ST6GALNAC6: variants seen among roughly 807,000 people sequenced by gnomAD.
The protein encoded by ST6GALNAC6 is ST6 N-acetylgalactosaminide alpha-2,6-sialyltransferase 6.
ST6GALNAC6 carries 19 observed loss-of-function variants against 34.3 expected under a neutral mutation model. The observed-to-expected ratio is 0.55, with a 90% CI of 0.39 to 0.81. ST6GALNAC6 has a LOEUF of 0.81. ST6GALNAC6 is among the 40% of genes least tolerant of loss of function. ST6GALNAC6 has a pLI of 0.00. For missense variants in ST6GALNAC6, 377 were observed against 467.7 expected (o/e 0.81, Z 1.79); for synonymous variants, 185 against 182.1 (o/e 1.02, Z -0.13).
At chr9:127,891,382 G>A (rs866879079) in intron 4 of ST6GALNAC6, among the ~76,000 whole-genome samples, 8 of 152,066 alleles carry the variant, frequency 5.3e-5, no homozygotes, top group South Asian at 2.1e-4. Context: ...TTGGGAGGCC[G>A]AGGCAGGCGG....
upstream of ST6GALNAC6, chr9:127,899,645 G>T (rs1471837375): frequency 4.1e-6 from 4 of 983,442 alleles, no homozygotes; most frequent in African/African-American, 3.5e-5. Flanking sequence ...CGCCGTCACG[G>T]CCCGGCCCAG....
In ST6GALNAC6 at chr9:127,893,148, T is replaced by C. The variant is rs1166464021; in HGVS notation, c.297+1364A>G. ...TGAAGAAGGACCACCTAGGGAAACA[T>C]ATTCAAGGCAGGAGAAACAGCCAGC... On this transcript the variant is annotated intron_variant, in intron 4 of 6. Transcript: ENST00000373146. Among the ~76,000 whole-genome samples, 10 of 152,182 alleles carry C rather than the reference T, an allele frequency of 6.6e-5. No individual in the cohort carries two copies. In the South Asian group the frequency reaches 1.5e-3, roughly 22 times the overall value.
chr9:127,897,868 G>C lies in ST6GALNAC6; in HGVS notation c.26+88C>G, dbSNP rs144950491. The C allele has an allele frequency of 5.9e-4, 942 of 1,601,294 alleles. 10 individuals are homozygous for C. The African/African-American group carries it at 0.011, about 19-fold the overall frequency. ...CCTCAGCCAGGACCACCGTCCCCCTGGTCCGCCCCGTCACAATCCTGCTCT... is the reference window on the plus strand; with the variant it reads ...CCTCAGCCAGGACCACCGTCCCCCTCGTCCGCCCCGTCACAATCCTGCTCT... On this transcript the variant is annotated intron_variant, in intron 2 of 6. Coordinates refer to ENST00000373146, the MANE Select transcript of ST6GALNAC6 (RefSeq NM_013443.5).
upstream of ST6GALNAC6, chr9:127,899,678 C>A (rs1412178779): frequency 1.0e-6 from 1 of 983,954 alleles, no homozygotes; most frequent in Non-Finnish European, 1.2e-6. Context: ...GGCGGAGCCT[C>A]GGGGCCGCGG....
intron 5 of ST6GALNAC6, among the ~76,000 whole-genome samples, chr9:127,888,161 G>C (rs1430318736): frequency 6.6e-6 from 1 of 152,146 alleles, no homozygotes; most frequent in African/African-American, 2.4e-5. Flanking sequence ...TGTAATCCCA[G>C]GACTTCAAGA....
rs1479630101 is a variant in ST6GALNAC6 at position 127,897,053 on chromosome 9, C to CT, written c.27-722dup. 1.5e-5 allele frequency: 13 copies of CT among 874,284 alleles called. No homozygotes were observed. The African/African-American group carries it at 2.4e-4, about 16-fold the overall frequency. 54.2% of individuals were successfully genotyped at this position (874,284 alleles called of 1,614,324 possible). On this transcript the variant is annotated intron_variant, in intron 2 of 6. Transcript: ENST00000373146. ...GTCTCTGCCAGGGCTGACTCCTCAT[C>CT]TGTCAAATGGCTGTAATCACAGTCT...
At chr9:127,888,612 G>T (rs754916944) in intron 5 of ST6GALNAC6, among the ~76,000 whole-genome samples, 38 of 150,956 alleles carry the variant, frequency 2.5e-4, no homozygotes, top group Non-Finnish European at 5.0e-4. Context: ...ATTGAGACCA[G>T]CCTGGCCAAC....
rs1401124766 is a variant in ST6GALNAC6, at chr9:127,890,718, G to A, written c.623C>T (p.Pro208Leu). ...RVIQRAGLVF[P>L]NMEAYAVSPG... ...AGAGACGGCATATGCTTCCATGTTG[G>A]GGAACACCAGGCCCGCTCGCTGGAT... The change falls in exon 5 of 7, where the codon CCC becomes CTC. Residue 208 changes from proline to leucine, a missense_variant. By Grantham distance (98) the Pro-to-Leu change is moderately conservative (BLOSUM62 -3). Coordinates refer to ENST00000373146, the MANE Select transcript of ST6GALNAC6 (RefSeq NM_013443.5). This position sits in a 1 kb window ranked among gnomAD's most constrained non-coding sequence, Gnocchi z 4.3. 6.2e-7 allele frequency: 1 copy of A among 1,613,698 alleles called. No homozygotes were observed. The highest frequency in any genetic ancestry group is 1.3e-5 in the African/African-American group (1 of 74,934).
chr9:127,906,353 C>T (rs1246090016), upstream of ST6GALNAC6, among the ~76,000 whole-genome samples: 1 of 152,230 alleles, frequency 6.6e-6, no homozygotes, highest in African/African-American at 2.4e-5. Context: ...CAGCTAGAAC[C>T]CCAGGGCTGC....
At chr9:127,891,536 G>A (rs139977167) in intron 4 of ST6GALNAC6, among the ~76,000 whole-genome samples, 1 of 151,384 alleles carries the variant, frequency 6.6e-6, no homozygotes, top group African/African-American at 2.4e-5. Context: ...AGAATTGCTC[G>A]AACCTGGAGG....
chr9:127,898,865 G>A (rs1477832972), intron 1 of ST6GALNAC6, among the ~76,000 whole-genome samples: 2 of 152,358 alleles, frequency 1.3e-5, no homozygotes, highest in South Asian at 2.1e-4. Flanking sequence ...GGGGTCTAGG[G>A]GTGCCGGCCT....
chr9:127,886,553 G>C lies in ST6GALNAC6; in HGVS notation c.*46C>G. The C allele has an allele frequency of 6.2e-7, 1 of 1,606,866 alleles. No individual in the cohort carries two copies. Among genetic ancestry groups the C allele is most frequent in the Non-Finnish European group, 8.5e-7 (1 of 1,176,212 alleles). On this transcript the variant is annotated 3_prime_UTR_variant, in exon 7 of 7. Transcript: ENST00000373146. The stretch of plus-strand genomic sequence containing the variant: ...GTCCCTGGCCTAGCGGCTGGGCGGA[G>C]GCTGCTTCTCCTCTGACCCTCCTGA...
intron 2 of ST6GALNAC6, chr9:127,896,948 T>C (rs1830496234): frequency 2.0e-6 from 2 of 985,038 alleles, no homozygotes; most frequent in Admixed American, 6.2e-5. Context: ...AATGAATTAG[T>C]GCATTAACAA....
chr9:127,897,816 A>C, intron 2 of ST6GALNAC6, 140 bp downstream of exon 2: 2 of 1,549,314 alleles, frequency 1.3e-6, no homozygotes, highest in South Asian at 2.4e-5. Context: ...CCCGCCGCCC[A>C]CTTTCCCACC....
At chr9:127,899,640 T>C (rs904905460), upstream of ST6GALNAC6, 11 of 982,958 alleles carry the variant, frequency 1.1e-5, no homozygotes, top group Non-Finnish European at 1.3e-5. Flanking sequence ...AGCGCCGCCG[T>C]CACGGCCCGG....
intron 5 of ST6GALNAC6, among the ~76,000 whole-genome samples, chr9:127,889,935 T>G (rs1488642949): frequency 6.6e-6 from 1 of 152,154 alleles, no homozygotes. Context: ...ACTACTTTTT[T>G]TCTTAAGGAG....
intron 3 of ST6GALNAC6, among the ~76,000 whole-genome samples, chr9:127,895,915 T>C (rs1830423331): frequency 6.6e-6 from 1 of 152,180 alleles, no homozygotes; most frequent in Non-Finnish European, 1.5e-5. Flanking sequence ...CCTTGCCCCA[T>C]TTCCCGCTCA....
In ST6GALNAC6 at chr9:127,890,818, T is replaced by C. The variant is rs771867919; in HGVS notation, c.523A>G (p.Thr175Ala). ...CAGAAGATGAACACGGTTTCAGGGG[T>C]CCGGTTGACAAACTCCTGGGGCCTC... ...LRRPQEFVNR[T>A]PETVFIFWGP... Residue 175 changes from threonine to alanine, a missense_variant, in exon 5 of 7, where the codon ACC (threonine) becomes GCC (alanine). Coordinates refer to ENST00000373146, the MANE Select transcript of ST6GALNAC6 (RefSeq NM_013443.5). This position sits in a 1 kb window ranked among gnomAD's most constrained non-coding sequence, Gnocchi z 4.3. 6.2e-7 allele frequency: 1 copy of C among 1,613,494 alleles called. No homozygotes were observed. Among genetic ancestry groups the C allele is most frequent in the Non-Finnish European group, 8.5e-7 (1 of 1,179,618 alleles).
At chr9:127,902,514 T>TA (rs111468544), upstream of ST6GALNAC6, among the ~76,000 whole-genome samples, 4 of 152,134 alleles carry the variant, frequency 2.6e-5, no homozygotes, top group African/African-American at 7.2e-5. Context: ...GGGGCTGCTT[T>TA]TTTTCTTTTG....
Sources: gnomAD v4.1 joint callset for allele counts (sites outside exome capture counted in the v4.1 genomes callset) on GRCh38, gnomAD v4.1.1 for gene constraint, Gnocchi (gnomAD v3.1) non-coding constraint, MANE v1.5 for transcripts, NCBI Gene and HGNC (gene_info 2026-07-23, HGNC 2026-07-21) for gene names.